DUSP14: variants seen among roughly 807,000 people sequenced by gnomAD.
DUSP14 encodes dual specificity phosphatase 14.
A neutral mutation model predicts 13.2 loss-of-function variants in DUSP14; 5 were observed. That is an observed-to-expected ratio of 0.38 (90% CI 0.20 to 0.80). The LOEUF is 0.80. Ranked by LOEUF, DUSP14 falls within the 30% of genes least tolerant of loss-of-function variation. The pLI, the probability that DUSP14 is intolerant of heterozygous loss-of-function variation, is 0.44. For synonymous variants in DUSP14, 91 were observed against 103.4 expected (o/e 0.88, Z 0.73); for missense variants, 185 against 264.0 (o/e 0.70, Z 2.07).
At position 37,492,992 on chromosome 17, in the gene DUSP14, C is replaced by CGT. The variant is rs368795488; in HGVS notation, c.-181+3049_-181+3050dup. ...GTGAATCCTTCCTTCTGGCCGGCAT[C>CGT]GTGTGTGTGTGTGTGTATGTGTATG... is the stretch of plus-strand genomic sequence containing the variant. On this transcript the variant is annotated intron_variant, in intron 1 of 2. Transcript: ENST00000617516. Among the ~76,000 whole-genome samples, 449 of 150,416 alleles carry CGT rather than the reference C, an allele frequency of 3.0e-3. 3 individuals carry two copies. The highest frequency in any genetic ancestry group is 0.01 in the Middle Eastern group (3 of 290).
chr17:37,512,220 T>C lies in DUSP14; in HGVS notation c.-53T>C. 3.4e-6 allele frequency: 5 copies of C among 1,485,814 alleles called. No individual in the cohort carries two copies. Among genetic ancestry groups the C allele is most frequent in the Non-Finnish European group, 4.5e-6 (5 of 1,103,274 alleles). The allele number at this position is 1,485,814 out of a possible 1,614,324, so 92.0% of individuals were successfully genotyped here. Reference sequence around the variant, plus strand: ...TTTTGGATTCCTTGGTGGAGGAAAATAAAACACTCTGGTCTTGCCGCCAAC... The same window carrying C: ...TTTTGGATTCCTTGGTGGAGGAAAACAAAACACTCTGGTCTTGCCGCCAAC... On this transcript the variant is annotated 5_prime_UTR_variant, in exon 3 of 3. Transcript: ENST00000617516. The surrounding 1 kb of genome is among the most constrained non-coding windows in gnomAD (Gnocchi z 4.8).
intron 1 of DUSP14, among the ~76,000 whole-genome samples, 197 bp downstream of exon 1, chr17:37,490,155 A>G (rs2054017188): frequency 6.7e-6 from 1 of 149,464 alleles, no homozygotes; most frequent in African/African-American, 2.5e-5. Context: ...CCCGCGGAGG[A>G]GAGGCCCGAG....
chr17:37,511,309 C>CA (rs1488050962), intron 2 of DUSP14, among the ~76,000 whole-genome samples: 3 of 152,230 alleles, frequency 2.0e-5, no homozygotes, highest in South Asian at 2.1e-4. Context: ...TGTTTTGAGA[C>CA]AGAGTCTGTC....
chr17:37,496,610 C>T (rs1013061457), intron 1 of DUSP14, among the ~76,000 whole-genome samples: 5 of 152,180 alleles, frequency 3.3e-5, no homozygotes, highest in African/African-American at 7.2e-5. Context: ...AAAAATTAGC[C>T]GGGAGTGGTC....
At chr17:37,506,342 C>T (rs913146575) in intron 1 of DUSP14, among the ~76,000 whole-genome samples, 1 of 148,108 alleles carries the variant, frequency 6.8e-6, no homozygotes, top group Non-Finnish European at 1.5e-5. Context: ...GACAGCTCTT[C>T]CTTTCTGTCT....
chr17:37,489,418 C>G (rs1052141478), upstream of DUSP14, among the ~76,000 whole-genome samples: 1 of 152,180 alleles, frequency 6.6e-6, no homozygotes, highest in Admixed American at 6.5e-5. Flanking sequence ...GGGTCCCAAC[C>G]CCCGGGCTCT....
chr17:37,499,539 TGTTTTTTGA>T (rs1440713497), intron 1 of DUSP14, among the ~76,000 whole-genome samples: 1 of 151,830 alleles, frequency 6.6e-6, no homozygotes, highest in Admixed American at 6.6e-5. Context: ...GTTTGTTTTT[TGTTTTTTGA>T]GACAGAGTTT....
At chr17:37,497,199 G>A (rs1220428215) in intron 1 of DUSP14, among the ~76,000 whole-genome samples, 1 of 151,526 alleles carries the variant, frequency 6.6e-6, no homozygotes, top group African/African-American at 2.4e-5. Context: ...CTGGAGTTCA[G>A]TGGCACAATC....
intron 1 of DUSP14, among the ~76,000 whole-genome samples, chr17:37,502,082 A>G (rs1209877387): frequency 6.6e-6 from 1 of 152,154 alleles, no homozygotes; most frequent in East Asian, 1.9e-4. Flanking sequence ...TGTTACCTGT[A>G]TATCCCTGCT....
chr17:37,493,230 T>C (rs1203417389), intron 1 of DUSP14, among the ~76,000 whole-genome samples: 1 of 152,184 alleles, frequency 6.6e-6, no homozygotes, highest in East Asian at 1.9e-4. Flanking sequence ...CCCAAAGTGC[T>C]GGGATTACAG....
intron 1 of DUSP14, among the ~76,000 whole-genome samples, chr17:37,490,779 G>A (rs2054022659): frequency 6.6e-6 from 1 of 152,010 alleles, no homozygotes; most frequent in African/African-American, 2.4e-5. Context: ...CTCGTTAGCT[G>A]TTCATTATCG....
At chr17:37,511,926 C>A (rs1173105724) in intron 2 of DUSP14, among the ~76,000 whole-genome samples, 8 of 55,422 alleles carry the variant, frequency 1.4e-4, no homozygotes, top group Non-Finnish European at 1.9e-4. Context: ...CAGCCACCCC[C>A]CCCCCACCCC....
At chr17:37,501,155 TC>T (rs1298771288) in intron 1 of DUSP14, among the ~76,000 whole-genome samples, 2 of 152,164 alleles carry the variant, frequency 1.3e-5, no homozygotes, top group Non-Finnish European at 2.9e-5. Flanking sequence ...ATGATACTGA[TC>T]CGGGAGAGGC....
At chr17:37,491,300 C>G (rs2054026660) in intron 1 of DUSP14, among the ~76,000 whole-genome samples, 1 of 152,130 alleles carries the variant, frequency 6.6e-6, no homozygotes, top group Admixed American at 6.5e-5. Flanking sequence ...GCCTCTTCTT[C>G]GCCAGAGACG....
At chr17:37,509,243 CTATATATA>C (rs71135736) in intron 1 of DUSP14, among the ~76,000 whole-genome samples, 1,157 of 44,464 alleles carry the variant, frequency 0.026, 19 homozygotes, top group Non-Finnish European at 0.037. Context: ...TATATACACA[CTATATATA>C]TATATATATA....
chr17:37,499,333 T>TA (rs1194415584), intron 1 of DUSP14, among the ~76,000 whole-genome samples: 2 of 152,134 alleles, frequency 1.3e-5, no homozygotes, highest in African/African-American at 4.8e-5. Context: ...TTCTTTTTTT[T>TA]ATTTTTTAAA....
chr17:37,508,278 C>T (rs780926067), intron 1 of DUSP14, among the ~76,000 whole-genome samples: 22 of 147,840 alleles, frequency 1.5e-4, no homozygotes, highest in Non-Finnish European at 2.6e-4. Context: ...CAGACGTGCC[C>T]CCGACCCGCA....
chr17:37,511,551 G>A (rs761426706), intron 2 of DUSP14, among the ~76,000 whole-genome samples: 3 of 149,104 alleles, frequency 2.0e-5, no homozygotes, highest in Non-Finnish European at 3.0e-5. Flanking sequence ...AAAGTACTGG[G>A]ATTACAGGCA....
Position 37,512,698 on chromosome 17 carries a change from A to C in DUSP14, c.426A>C (p.Lys142Asn). The change falls in exon 3 of 3, where the codon AAA (lysine) becomes AAC (asparagine). Residue 142 changes from lysine (K) to asparagine (N), a missense_variant. Transcript: ENST00000617516. The surrounding 1 kb of genome is among the most constrained non-coding windows in gnomAD (Gnocchi z 4.8). ...VCLLEAYNWV[K>N]ARRPVIRPNV... ...TGCTGGAGGCGTACAACTGGGTGAAAGCCCGGCGACCTGTCATCAGGCCCA... is the reference window on the plus strand; with the variant it reads ...TGCTGGAGGCGTACAACTGGGTGAACGCCCGGCGACCTGTCATCAGGCCCA... The C allele has an allele frequency of 6.2e-7, 1 of 1,614,100 alleles. No individual in the cohort carries two copies. The highest frequency in any genetic ancestry group is 8.5e-7 in the Non-Finnish European group (1 of 1,180,038).
Sources: gnomAD v4.1 joint callset for allele counts (sites outside exome capture counted in the v4.1 genomes callset) on GRCh38, gnomAD v4.1.1 for gene constraint, Gnocchi (gnomAD v3.1) non-coding constraint, MANE v1.5 for transcripts, NCBI Gene and HGNC (gene_info 2026-07-23, HGNC 2026-07-21) for gene names.